Variants in ALG14 observed in about 807,000 individuals in gnomAD.
The protein encoded by ALG14 is ALG14 UDP-N-acetylglucosaminyltransferase subunit, also known as UDP-N-acetylglucosamine transferase subunit ALG14.
A neutral mutation model predicts 22.8 loss-of-function variants in ALG14; 17 were observed. That is an observed-to-expected ratio of 0.75 (90% confidence interval 0.51 to 1.12). The LOEUF (loss-of-function observed/expected upper bound fraction) is 1.12. ALG14 is among the 50% of genes most tolerant of loss of function. The pLI is 0.00. For synonymous variants in ALG14, 89 were observed against 103.7 expected, an observed-to-expected ratio of 0.86 and a Z score of 0.86; for missense variants, 288 against 271.8, an observed-to-expected ratio of 1.06 and a Z score of -0.42.
At chr1:94,997,864 AT>A (rs1216321064) in intron 3 of ALG14, among the ~76,000 whole-genome samples, 1 of 152,094 alleles carries the variant, frequency 6.6e-6, no homozygotes, top group African/African-American at 2.4e-5. Context: ...CATCTGTATG[AT>A]TGATGTTCTT....
At chr1:95,045,850 A>G (rs1674531542) in intron 2 of ALG14, among the ~76,000 whole-genome samples, 4 of 148,858 alleles carry the variant, frequency 2.7e-5, no homozygotes, top group Non-Finnish European at 5.9e-5. Flanking sequence ...TGGCATACTA[A>G]TAGAATTAGT....
rs141752377 is a variant in ALG14 at position 95,024,504 on chromosome 1, T to C, written c.420+2625A>G. Among the ~76,000 whole-genome samples, 547 of 152,296 alleles carry C rather than the reference T, an allele frequency of 3.6e-3. 3 individuals carry two copies. Among genetic ancestry groups the C allele is most frequent in the South Asian group, 7.3e-3 (35 of 4,826 alleles). On this transcript the variant is annotated intron_variant, in intron 3 of 3. Transcript: ENST00000370205. ...GAATCTAATACATGTCTAAAGAAAA[T>C]TGGAGTTACATAACATCTTGGTTAC... is the stretch of plus-strand genomic sequence containing the variant.
At chr1:95,065,638 T>C (rs1675334046) in intron 1 of ALG14, among the ~76,000 whole-genome samples, 1 of 152,066 alleles carries the variant, frequency 6.6e-6, no homozygotes. Flanking sequence ...TCACTGAAGG[T>C]TCTATGTAGA....
intron 1 of ALG14, among the ~76,000 whole-genome samples, chr1:95,066,281 T>A (rs550931681): frequency 6.6e-6 from 1 of 151,984 alleles, no homozygotes; most frequent in African/African-American, 2.4e-5. Flanking sequence ...TGGAATACAA[T>A]TGTGTGATCT....
In ALG14 at chr1:95,027,113, T is replaced by C; in HGVS notation, c.420+16A>G. 6.2e-7 allele frequency: 1 copy of C among 1,613,678 alleles called. No individual in the cohort carries two copies. The highest frequency in any genetic ancestry group is 8.5e-7 in the Non-Finnish European group (1 of 1,179,748). On this transcript the variant is annotated intron_variant, in intron 3 of 3. Transcript: ENST00000370205. ...AGGGAGTTACTTTCTCTCTCCTTAG[T>C]GATGGTCTTACTTACCAAATCTGGC...
rs773026220 is a variant in ALG14 at position 95,064,911 on chromosome 1, T to C, written c.243A>G (p.Ile81Met). 1.2e-6 allele frequency: 2 copies of C among 1,614,058 alleles called. No homozygotes were observed. The highest frequency in any genetic ancestry group is 2.7e-5 in the African/African-American group (2 of 75,054). The stretch of plus-strand genomic sequence containing the variant: ...CAGCTCGATCTAGTTCAAAAGAATT[T>C]ATTTTATTGGCACTCATTTCATCAG... ...ADTDEMSANK[I>M]NSFELDRADR... is the part of the protein sequence containing the mutation. Residue 81 changes from isoleucine to methionine, a missense_variant, in exon 2 of 4, where the codon ATA becomes ATG. Transcript: ENST00000370205.
chr1:95,046,831 C>T (rs1346036609), intron 2 of ALG14, among the ~76,000 whole-genome samples: 4 of 152,186 alleles, frequency 2.6e-5, no homozygotes, highest in Non-Finnish European at 5.9e-5. Context: ...GGCGCAGTGG[C>T]TTACGCCTGT....
chr1:95,006,534 G>A (rs1163063161), intron 3 of ALG14, among the ~76,000 whole-genome samples: 3 of 152,178 alleles, frequency 2.0e-5, no homozygotes, highest in Non-Finnish European at 2.9e-5. Flanking sequence ...TTGGCCATAG[G>A]AGATCTGGGA....
intron 2 of ALG14, among the ~76,000 whole-genome samples, chr1:95,044,847 A>G (rs1239483660): frequency 5.3e-5 from 8 of 152,114 alleles, no homozygotes; most frequent in Non-Finnish European, 7.3e-5. Context: ...TGGAAAGCAA[A>G]TATTTATTGC....
chr1:95,053,723 GC>G (rs1313590205), intron 2 of ALG14, among the ~76,000 whole-genome samples: 1 of 152,110 alleles, frequency 6.6e-6, no homozygotes, highest in African/African-American at 2.4e-5. Flanking sequence ...ACAGCACTCA[GC>G]CCATGCCTCT....
At chr1:95,001,940 C>T (rs1673081638) in intron 3 of ALG14, among the ~76,000 whole-genome samples, 1 of 152,168 alleles carries the variant, frequency 6.6e-6, no homozygotes, top group Non-Finnish European at 1.5e-5. Context: ...GGCCACATAG[C>T]TAATAAACTA....
intron 1 of ALG14, 22 bp downstream of exon 1, chr1:95,072,741 C>G: frequency 1.2e-6 from 2 of 1,610,698 alleles, no homozygotes; most frequent in Non-Finnish European, 1.7e-6. Flanking sequence ...CCAAGTCCGA[C>G]AGTCGCCTCC....
At chr1:95,052,857 G>GA (rs57458273) in intron 2 of ALG14, among the ~76,000 whole-genome samples, 1,342 of 119,442 alleles carry the variant, frequency 0.011, 19 homozygotes, top group African/African-American at 0.039. Context: ...ACTGCATCTC[G>GA]AAAAAAAAAA....
At chr1:95,072,153 C>T (rs576225694) in intron 1 of ALG14, among the ~76,000 whole-genome samples, 5 of 152,100 alleles carry the variant, frequency 3.3e-5, no homozygotes, top group Admixed American at 6.5e-5. Flanking sequence ...CCTGCCATAC[C>T]CAAATGTTTA....
chr1:94,988,043 G>A (rs899900587), intron 3 of ALG14, among the ~76,000 whole-genome samples: 1 of 152,182 alleles, frequency 6.6e-6, no homozygotes, highest in Non-Finnish European at 1.5e-5. Context: ...GAGCTCCTGG[G>A]GCCATGGATG....
chr1:95,000,055 C>T (rs776531070), intron 3 of ALG14, among the ~76,000 whole-genome samples: 10 of 152,164 alleles, frequency 6.6e-5, no homozygotes, highest in Admixed American at 3.9e-4. Flanking sequence ...TCGTCAATGG[C>T]TTCTTCCTGC....
At chr1:95,072,698 T>C (rs1311322095) in intron 1 of ALG14, 65 bp downstream of exon 1, 4 of 1,591,312 alleles carry the variant, frequency 2.5e-6, no homozygotes, top group Non-Finnish European at 3.4e-6. Context: ...GGGAAGAGCG[T>C]CGCGGTGCAC....
chr1:94,986,216 C>T (rs1672635471), intron 3 of ALG14, among the ~76,000 whole-genome samples: 1 of 152,190 alleles, frequency 6.6e-6, no homozygotes, highest in Non-Finnish European at 1.5e-5. Context: ...ACACCACCAC[C>T]CGGGCCATCT....
chr1:95,035,174 TTTTTG>T (rs148790974), intron 2 of ALG14, among the ~76,000 whole-genome samples: 249 of 152,224 alleles, frequency 1.6e-3, no homozygotes, highest in African/African-American at 2.4e-3. Context: ...AGAAAGGATG[TTTTTG>T]TTTTGTTTTG....
Sources: allele counts gnomAD v4.1 joint callset (sites outside exome capture counted in the v4.1 genomes callset), GRCh38; gene constraint gnomAD v4.1.1; transcripts MANE v1.5; gene names NCBI Gene and HGNC (gene_info 2026-07-23, HGNC 2026-07-21).